The following KPNB1 variants were observed in gnomAD, a reference collection of about 807,000 sequenced individuals.
KPNB1 encodes the protein importin subunit beta-1.
In KPNB1, 7 loss-of-function variants were observed where a neutral mutation model predicts 113.0. The ratio of observed to expected loss-of-function variants is 0.06; its 90% confidence interval spans 0.04 to 0.12. KPNB1 has a LOEUF of 0.12. Among genes scored for constraint, KPNB1 ranks in the 10% least tolerant of loss-of-function variants. The pLI is 1.00. For missense variants in KPNB1, 400 were observed against 1,054.8 expected (o/e 0.38, Z 8.60); for synonymous variants, 363 against 378.6 (o/e 0.96, Z 0.48).
chr17:47,665,121 A>G lies in KPNB1; in HGVS notation c.962A>G (p.Tyr321Cys). The change falls in exon 9 of 22, where the codon TAT (tyrosine) becomes TGT (cysteine). Residue 321 changes from tyrosine to cysteine, a missense_variant. Transcript: ENST00000290158. Reference sequence around the variant, plus strand: ...TTTTATGCGAAGGGAGCACTACAGTATCTGGTTCCAATCCTCACACAGACA... The same window carrying G: ...TTTTATGCGAAGGGAGCACTACAGTGTCTGGTTCCAATCCTCACACAGACA... ...SKFYAKGALQ[Y>C]LVPILTQTLT... 1 of 1,614,172 alleles carries G rather than the reference A, an allele frequency of 6.2e-7. No individual in the cohort carries two copies. The highest frequency in any genetic ancestry group is 8.5e-7 in the Non-Finnish European group (1 of 1,179,988).
At chr17:47,653,271 A>ATT (rs3067142) in intron 3 of KPNB1, among the ~76,000 whole-genome samples, 7,913 of 109,668 alleles carry the variant, frequency 0.072, 547 homozygotes, top group East Asian at 0.26. Context: ...AGCTCAGGGA[A>ATT]TTTTTTTTTT....
At chr17:47,676,971 C>T in intron 16 of KPNB1, 49 bp from the exon 17 acceptor site, 1 of 1,430,052 alleles carries the variant, frequency 7.0e-7, no homozygotes, top group African/African-American at 1.4e-5. Flanking sequence ...TATCTTGCCC[C>T]AGCAGGCAGC....
chr17:47,658,589 A>C lies in KPNB1; in HGVS notation c.565A>C (p.Asn189His). 6.2e-7 allele frequency: 1 copy of C among 1,613,962 alleles called. No homozygotes were observed. The highest frequency in any genetic ancestry group is 8.5e-7 in the Non-Finnish European group (1 of 1,179,978). The stretch of plus-strand genomic sequence containing the variant: ...GATGAGGAAAGAAGAGCCTAGTAAT[A>C]ATGTGAAGCTAGCTGCTACGAATGC... ...QGMRKEEPSNNVKLAATNALL... is the reference protein window; with the variant it reads ...QGMRKEEPSNHVKLAATNALL... Residue 189 changes from asparagine (N) to histidine (H), a missense_variant, in exon 5 of 22, where the codon AAT becomes CAT. Around this residue, in one of 2 missense-constraint regions of KPNB1, gnomAD observed 285 missense variants for 627.0 expected, o/e 0.45. Coordinates refer to ENST00000290158, the MANE Select transcript of KPNB1 (RefSeq NM_002265.6).
intron 3 of KPNB1, among the ~76,000 whole-genome samples, chr17:47,655,326 G>C (rs778042480): frequency 1.5e-4 from 23 of 152,158 alleles, no homozygotes; most frequent in Non-Finnish European, 2.8e-4. Context: ...TGTCAAGCGA[G>C]ACATGTTTAA....
At chr17:47,675,361 GTTTTTT>G (rs1166648701) in intron 15 of KPNB1, among the ~76,000 whole-genome samples, 1 of 88,692 alleles carries the variant, frequency 1.1e-5, no homozygotes, top group African/African-American at 4.6e-5. Flanking sequence ...CAGAGGTGTT[GTTTTTT>G]TTTTGTTTTT....
intron 2 of KPNB1, among the ~76,000 whole-genome samples, 184 bp from the exon 3 acceptor site, chr17:47,652,510 A>T (rs1212757600): frequency 2.0e-5 from 3 of 152,226 alleles, no homozygotes; most frequent in African/African-American, 7.2e-5. Flanking sequence ...TACACTAAGT[A>T]ACATTTTTAT....
chr17:47,669,797 C>T lies in KPNB1; in HGVS notation c.1344C>T (p.Tyr448=), dbSNP rs11540824. The T allele has an allele frequency of 5.0e-6, 8 of 1,614,156 alleles. No homozygotes were observed. In the Admixed American group the frequency reaches 8.3e-5, roughly 17 times the overall value. The change falls in exon 11 of 22, where the codon TAC becomes TAT. Residue 448 remains tyrosine (Y), a synonymous_variant. Coordinates refer to ENST00000290158, the MANE Select transcript of KPNB1 (RefSeq NM_002265.6). ...CTGAAGCTGCCATCAATGATGTCTA[C>T]TTGGCTCCCCTGCTACAGTGTCTGA... The part of the protein sequence containing the change: ...LLPEAAINDV[Y]LAPLLQCLIE...
rs1403092316 is a variant in KPNB1, at chr17:47,670,873, C to G, written c.1547+41C>G. On this transcript the variant is annotated intron_variant, in intron 12 of 21. Transcript: ENST00000290158. ...CAGAAATGAGTGACGTCTTTGCATC[C>G]AAGTTCTATTGCCTTCTGTGTGGAG... The G allele has an allele frequency of 3.2e-6, 5 of 1,562,620 alleles. No homozygotes were observed. The African/African-American group carries it at 6.8e-5, about 21-fold the overall frequency.
intron 9 of KPNB1, among the ~76,000 whole-genome samples, chr17:47,667,421 T>A (rs1322861472): frequency 6.7e-6 from 1 of 149,592 alleles, no homozygotes; most frequent in Non-Finnish European, 1.5e-5. Context: ...GCCACTGCAC[T>A]GCACCTTGCC....
At chr17:47,663,455 G>A (rs572070774) in intron 7 of KPNB1, among the ~76,000 whole-genome samples, 1 of 152,232 alleles carries the variant, frequency 6.6e-6, no homozygotes, top group Admixed American at 6.5e-5. Context: ...CCTGAGGTCA[G>A]GAGTTCGAGA....
At chr17:47,675,364 T>TG (rs2030571890) in intron 15 of KPNB1, among the ~76,000 whole-genome samples, 1 of 113,262 alleles carries the variant, frequency 8.8e-6, no homozygotes. Context: ...AGGTGTTGTT[T>TG]TTTTTTTGTT....
chr17:47,663,311 G>A (rs2030164035), intron 7 of KPNB1, 133 bp downstream of exon 7: 2 of 603,368 alleles, frequency 3.3e-6, no homozygotes. Flanking sequence ...AGACTGTTCG[G>A]TTTAAGCTCA....
At position 47,658,588 on chromosome 17, in the gene KPNB1, T is replaced by C; in HGVS notation, c.564T>C (p.Asn188=). Residue 188 remains asparagine (N), a synonymous_variant, in exon 5 of 22, where the codon AAT becomes AAC. Coordinates refer to ENST00000290158, the MANE Select transcript of KPNB1 (RefSeq NM_002265.6). ...IQGMRKEEPS[N]NVKLAATNAL... ...GGATGAGGAAAGAAGAGCCTAGTAA[T>C]AATGTGAAGCTAGCTGCTACGAATG... 6.2e-7 allele frequency: 1 copy of C among 1,614,000 alleles called. No homozygotes were observed. The highest frequency in any genetic ancestry group is 1.3e-5 in the African/African-American group (1 of 75,050).
Position 47,664,249 on chromosome 17 carries a change from T to C in KPNB1, c.877T>C (p.Leu293=). The part of the protein sequence containing the change: ...WSNVCDEEMD[L]AIEASEAAEQ... Reference sequence around the variant, plus strand: ...CAATGTCTGTGATGAGGAAATGGATTTGGCCATTGAAGCTTCAGAGGTGAG... The same window carrying C: ...CAATGTCTGTGATGAGGAAATGGATCTGGCCATTGAAGCTTCAGAGGTGAG... Residue 293 remains leucine (L), a synonymous_variant, in exon 8 of 22, where the codon TTG becomes CTG. Coordinates refer to ENST00000290158, the MANE Select transcript of KPNB1 (RefSeq NM_002265.6). 2 of 1,611,804 alleles carry C rather than the reference T, an allele frequency of 1.2e-6. No individual in the cohort carries two copies. Among genetic ancestry groups the C allele is most frequent in the Non-Finnish European group, 1.7e-6 (2 of 1,177,962 alleles).
rs1243160154 is a variant in KPNB1, at chr17:47,682,709, C to T, written c.*305C>T. 2.4e-6 allele frequency: 1 copy of T among 419,864 alleles called. No individual in the cohort carries two copies. The highest frequency in any genetic ancestry group is 4.3e-6 in the Non-Finnish European group (1 of 232,890). The allele number at this position is 419,864 out of a possible 1,614,324, so 26.0% of individuals were successfully genotyped here. ...AAAAAAGAAAGAAAGTTATCTCTTC[C>T]CAGGAGAGGCTAGAAGTAGCTTTTC... On this transcript the variant is annotated 3_prime_UTR_variant, in exon 22 of 22. Transcript: ENST00000290158.
rs1597937172 is a variant in KPNB1 at position 47,674,647 on chromosome 17, C to T, written c.1777C>T (p.Arg593Trp). ...CTTACTCATTTCACAGAATGTTCTT[C>T]GGAAAGTGCAACATCAAGATGCTTT... is the stretch of plus-strand genomic sequence containing the variant. ...LLCATLQNVL[R>W]KVQHQDALQI... is the part of the protein sequence containing the mutation. The change falls in exon 15 of 22, where the codon CGG (arginine) becomes TGG (tryptophan). Residue 593 changes from arginine to tryptophan, a missense_variant. By Grantham distance (101) the Arg-to-Trp change is moderately radical. This residue lies in a region of KPNB1 where 115 missense variants were observed against 427.9 expected (regional missense o/e 0.27). Coordinates refer to ENST00000290158, the MANE Select transcript of KPNB1 (RefSeq NM_002265.6). 1 of 1,613,130 alleles carries T rather than the reference C, an allele frequency of 6.2e-7. No individual in the cohort carries two copies. Among genetic ancestry groups the T allele is most frequent in the Non-Finnish European group, 8.5e-7 (1 of 1,179,550 alleles).
At position 47,680,093 on chromosome 17, in the gene KPNB1, T is replaced by C; in HGVS notation, c.2427T>C (p.Asp809=). 6.2e-7 allele frequency: 1 copy of C among 1,613,850 alleles called. No individual in the cohort carries two copies. The highest frequency in any genetic ancestry group is 8.5e-7 in the Non-Finnish European group (1 of 1,179,698). The change falls in exon 20 of 22, where the codon GAT becomes GAC. Residue 809 remains aspartate, a synonymous_variant. Coordinates refer to ENST00000290158, the MANE Select transcript of KPNB1 (RefSeq NM_002265.6). The part of the protein sequence containing the change: ...SFIDHIAGDE[D]HTDGVVACAA... The stretch of plus-strand genomic sequence containing the variant: ...TTGACCACATTGCTGGAGATGAGGA[T>C]CACACAGATGGAGTAGTAGCTTGTG...
At chr17:47,681,686 G>GTTTTTTT (rs59222945) in intron 21 of KPNB1, among the ~76,000 whole-genome samples, 2,402 of 95,686 alleles carry the variant, frequency 0.025, no homozygotes, top group African/African-American at 0.033. Flanking sequence ...GGAATTATAG[G>GTTTTTTT]TTTTTTTTTT....
chr17:47,671,429 C>T (rs543690946), intron 12 of KPNB1, among the ~76,000 whole-genome samples: 1 of 152,130 alleles, frequency 6.6e-6, no homozygotes, highest in Non-Finnish European at 1.5e-5. Context: ...CATTTTGCAG[C>T]ATTGACAGTT....
Sources: allele counts gnomAD v4.1 joint callset (sites outside exome capture counted in the v4.1 genomes callset), GRCh38; gene constraint gnomAD v4.1.1; regional missense constraint gnomAD v4.1.1; transcripts MANE v1.5; gene names NCBI Gene and HGNC (gene_info 2026-07-23, HGNC 2026-07-21).